Variants in EPM2A observed in about 807,000 individuals in gnomAD.
EPM2A encodes the protein laforin.
In EPM2A, 21 loss-of-function variants were observed where a neutral mutation model predicts 26.5. That is an observed-to-expected ratio of 0.79 (90% CI 0.56 to 1.14). The LOEUF (loss-of-function observed/expected upper bound fraction) is 1.14, where lower values mean the gene tolerates loss of function less well. Ranked by LOEUF, EPM2A falls within the 50% of genes most tolerant of loss-of-function variation. EPM2A has a pLI of 0.00. For missense variants in EPM2A, 458 were observed against 440.8 expected (o/e 1.04, Z -0.35); for synonymous variants, 217 against 177.6 (o/e 1.22, Z -1.76).
In EPM2A at chr6:145,627,692, G is replaced by A; in HGVS notation, c.720C>T (p.Gly240=). 1 of 1,613,934 alleles carries A rather than the reference G, an allele frequency of 6.2e-7. No homozygotes were observed. Among genetic ancestry groups the A allele is most frequent in the Non-Finnish European group, 8.5e-7 (1 of 1,180,008 alleles). ...WMPTPDMSTE[G]RVQMLPQAVC... ...CCGCCTGGGGCAGCATCTGTACTCG[G>A]CCTGCGGTGGGGAAAGCACAGCACA... is the stretch of plus-strand genomic sequence containing the variant. The change falls in exon 4 of 4, where the codon GGC becomes GGT. Residue 240 remains glycine, a splice_region_variant and synonymous_variant. Coordinates refer to ENST00000367519, the MANE Select transcript of EPM2A (RefSeq NM_005670.4).
intron 2 of EPM2A, among the ~76,000 whole-genome samples, chr6:145,554,986 C>T (rs1204071137): frequency 1.3e-5 from 2 of 152,054 alleles, no homozygotes; most frequent in Non-Finnish European, 2.9e-5. Flanking sequence ...GACCACTCAC[C>T]TATGGAAGGT....
At chr6:145,551,300 T>C (rs1780652621) in intron 2 of EPM2A, among the ~76,000 whole-genome samples, 2 of 152,022 alleles carry the variant, frequency 1.3e-5, no homozygotes, top group African/African-American at 4.8e-5. Context: ...GGTGAAACAG[T>C]AAGTCTGAGT....
intron 2 of EPM2A, among the ~76,000 whole-genome samples, chr6:145,520,112 GA>G (rs1780183596): frequency 6.6e-6 from 1 of 152,098 alleles, no homozygotes; most frequent in Non-Finnish European, 1.5e-5. Context: ...GTTCTTTCCT[GA>G]GTATAAATAT....
intron 4 of EPM2A, among the ~76,000 whole-genome samples, chr6:145,406,015 AC>A (rs1778564280): frequency 9.5e-6 from 1 of 104,772 alleles, no homozygotes; most frequent in Non-Finnish European, 2.3e-5. Context: ...CACACACACA[AC>A]AGACAGACAC....
At chr6:145,568,904 G>T (rs1294106649) in intron 2 of EPM2A, among the ~76,000 whole-genome samples, 1 of 152,110 alleles carries the variant, frequency 6.6e-6, no homozygotes. Flanking sequence ...TTCCCTGTAG[G>T]GTGTTCAAGC....
chr6:145,670,822 A>C, intron 2 of EPM2A: 8 of 700,046 alleles, frequency 1.1e-5, no homozygotes, highest in Non-Finnish European at 1.4e-5. Flanking sequence ...AATTAATTTG[A>C]CCGTATGAAC....
At chr6:145,524,901 G>A (rs1780249708) in intron 2 of EPM2A, among the ~76,000 whole-genome samples, 1 of 151,978 alleles carries the variant, frequency 6.6e-6, no homozygotes, top group Non-Finnish European at 1.5e-5. Context: ...TACAATTTGA[G>A]GTCTTACATT....
chr6:145,663,079 T>C (rs910190142), intron 2 of EPM2A, among the ~76,000 whole-genome samples: 1 of 152,118 alleles, frequency 6.6e-6, no homozygotes, highest in Non-Finnish European at 1.5e-5. Flanking sequence ...ATAATTAGGT[T>C]GGAATAGCAG....
chr6:145,538,740 T>C (rs1780468284), intron 2 of EPM2A, among the ~76,000 whole-genome samples: 1 of 152,402 alleles, frequency 6.6e-6, no homozygotes, highest in Middle Eastern at 3.4e-3. Flanking sequence ...TAGTTTACAA[T>C]TGACCCTAGG....
At chr6:145,554,890 G>A (rs1582849010) in intron 2 of EPM2A, among the ~76,000 whole-genome samples, 1 of 152,094 alleles carries the variant, frequency 6.6e-6, no homozygotes, top group East Asian at 1.9e-4. Flanking sequence ...TGCAGTTTGG[G>A]TTCCAAAGGC....
chr6:145,692,890 C>A (rs1172375425), intron 1 of EPM2A, among the ~76,000 whole-genome samples: 2 of 152,014 alleles, frequency 1.3e-5, no homozygotes, highest in African/African-American at 2.4e-5. Context: ...ATTGCTTTGG[C>A]TATTCGAGCT....
intron 4 of EPM2A, among the ~76,000 whole-genome samples, chr6:145,425,655 C>T (rs1362550143): frequency 1.4e-5 from 2 of 147,638 alleles, no homozygotes; most frequent in Non-Finnish European, 3.0e-5. Flanking sequence ...AAAAGAAAAA[C>T]TATATAAATC....
chr6:145,484,001 A>G (rs1209591624), intron 4 of EPM2A, among the ~76,000 whole-genome samples: 1 of 152,138 alleles, frequency 6.6e-6, no homozygotes, highest in Non-Finnish European at 1.5e-5. Flanking sequence ...ATACCTTACA[A>G]CACCATGCAA....
intron 4 of EPM2A, among the ~76,000 whole-genome samples, chr6:145,474,323 A>T (rs1254638235): frequency 6.6e-6 from 1 of 151,866 alleles, no homozygotes; most frequent in Admixed American, 6.6e-5. Context: ...TTAGCCAGGC[A>T]TGGTGGTGGG....
chr6:145,492,696 G>A lies in EPM2A; in HGVS notation c.555+9826C>T, dbSNP rs565363171. Among the ~76,000 whole-genome samples, 5 of 152,276 alleles carry A rather than the reference G, an allele frequency of 3.3e-5. No homozygotes were observed. In the South Asian group the frequency reaches 6.2e-4, roughly 19 times the overall value. On this transcript the variant is annotated intron_variant, in intron 4 of 4. Coordinates refer to the EPM2A transcript ENST00000638717. ...AGAAGGTGATTTTCCAGGGAGGACCGGATTTTTCTCTGAAGCAGTCTGATA... is the reference window on the plus strand; with the variant it reads ...AGAAGGTGATTTTCCAGGGAGGACCAGATTTTTCTCTGAAGCAGTCTGATA...
chr6:145,686,460 G>A (rs973805519), intron 1 of EPM2A, among the ~76,000 whole-genome samples, 164 bp from the exon 2 acceptor site: 2 of 152,068 alleles, frequency 1.3e-5, no homozygotes, highest in South Asian at 2.1e-4. Context: ...AAAACAGAAC[G>A]GTAGGAATTT....
At chr6:145,399,533 C>T (rs183671458) in intron 4 of EPM2A, among the ~76,000 whole-genome samples, 3 of 152,046 alleles carry the variant, frequency 2.0e-5, no homozygotes, top group East Asian at 1.9e-4. Context: ...GGGATTTATG[C>T]GAACAGAAAA....
chr6:145,588,972 C>A (rs1024709240), intron 2 of EPM2A, among the ~76,000 whole-genome samples: 2 of 152,068 alleles, frequency 1.3e-5, no homozygotes, highest in East Asian at 1.9e-4. Flanking sequence ...ATGGCACAAG[C>A]AAGAGAAGCT....
chr6:145,666,267 T>G (rs112955478), intron 2 of EPM2A, among the ~76,000 whole-genome samples: 1 of 98,158 alleles, frequency 1.0e-5, no homozygotes, highest in Non-Finnish European at 1.9e-5. Context: ...GAAAACCCCA[T>G]TGTCTCAGCC....
Sources: gnomAD v4.1 joint callset for allele counts (sites outside exome capture counted in the v4.1 genomes callset) on GRCh38, gnomAD v4.1.1 for gene constraint, MANE v1.5 for transcripts, NCBI Gene and HGNC (gene_info 2026-07-23, HGNC 2026-07-21) for gene names.